ADA2: variants seen among roughly 807,000 people sequenced by gnomAD.
ADA2 encodes the protein adenosine deaminase 2.
ADA2 carries 29 observed loss-of-function variants against 44.2 expected under a neutral mutation model. The ratio of observed to expected loss-of-function variants is 0.66; its 90% CI spans 0.49 to 0.89. The LOEUF is 0.89. Ranked by LOEUF, ADA2 falls within the 40% of genes least tolerant of loss-of-function variation. The pLI is 0.00. For synonymous variants in ADA2, 215 were observed against 234.9 expected (o/e 0.92, Z 0.77); for missense variants, 637 against 644.8 (o/e 0.99, Z 0.13).
At chr22:17,189,137 C>T (rs564157156) in intron 6 of ADA2, among the ~76,000 whole-genome samples, 151 of 151,088 alleles carry the variant, frequency 1.0e-3, no homozygotes, top group Middle Eastern at 6.8e-3. Flanking sequence ...CTGCCTCAGC[C>T]TCCCAAGTAG....
At chr22:17,190,219 C>T (rs2062098199) in intron 5 of ADA2, among the ~76,000 whole-genome samples, 187 bp from the exon 6 acceptor site, 1 of 152,202 alleles carries the variant, frequency 6.6e-6, no homozygotes, top group South Asian at 2.1e-4. Context: ...AGATATGTAG[C>T]CCAAATCCAT....
intron 1 of ADA2, chr22:17,210,000 C>G (rs914825808): frequency 1.7e-4 from 43 of 256,116 alleles, no homozygotes; most frequent in Non-Finnish European, 2.7e-4. Context: ...ACACCATTCT[C>G]CTGCCTCAGC....
chr22:17,211,338 G>A (rs1366515020), intron 1 of ADA2, among the ~76,000 whole-genome samples: 2 of 151,490 alleles, frequency 1.3e-5, no homozygotes, highest in East Asian at 3.9e-4. Context: ...CAGCCTGGGC[G>A]ACAGAGCAAG....
intron 4 of ADA2, among the ~76,000 whole-genome samples, chr22:17,195,761 C>CTT (rs59967054): frequency 0.014 from 1,824 of 128,758 alleles, 57 homozygotes; most frequent in African/African-American, 0.049. Context: ...AATTTCTTTC[C>CTT]TTTTTTTTTT....
At chr22:17,188,868 A>AAAAAAAAAAATATATAAATATATATATAT in intron 6 of ADA2, 1 of 81,128 alleles carries the variant, frequency 1.2e-5, no homozygotes, top group Non-Finnish European at 2.7e-5. Flanking sequence ...AAGAGCAAAA[A>AAAAAAAAAAATATATAAATATATATATAT]ATATATATAT....
chr22:17,200,574 C>G (rs570819066), intron 4 of ADA2, among the ~76,000 whole-genome samples: 1 of 152,196 alleles, frequency 6.6e-6, no homozygotes, highest in African/African-American at 2.4e-5. Flanking sequence ...CCAGCCTTGC[C>G]GCTAAACTCA....
At position 17,190,096 on chromosome 22, in the gene ADA2, C is replaced by CGTG. The variant is rs111934660; in HGVS notation, c.882-65_882-64insCAC. ...CACCGACAGAGCACAAACCCCAGAG[C>CGTG]ACACCCTCCGTGCAGGGCTGGGCCA... On this transcript the variant is annotated intron_variant, in intron 5 of 9. Coordinates refer to ENST00000399837, the MANE Select transcript of ADA2 (RefSeq NM_001282225.2). The CGTG allele has an allele frequency of 3.7e-3, 4,843 of 1,303,776 alleles. 165 individuals carry two copies. In the African/African-American group the frequency reaches 0.06, roughly 16 times the overall value. 80.8% of individuals were successfully genotyped at this position (1,303,776 alleles called of 1,614,324 possible). A position where few individuals can be genotyped will look rare whatever the true frequency, so the allele number is the denominator to read the frequency against.
At chr22:17,212,485 G>A (rs1310189522) in intron 1 of ADA2, among the ~76,000 whole-genome samples, 3 of 152,114 alleles carry the variant, frequency 2.0e-5, no homozygotes, top group African/African-American at 7.2e-5. Flanking sequence ...TGTTGCCCAG[G>A]CTGGTCTTGA....
chr22:17,188,618 A>C lies in ADA2; in HGVS notation c.973-171T>G, dbSNP rs1209916655. ...GAGCAGGCCAGGCGTGGTGGCTCAC[A>C]CCTGTAATCCCAGCACTTTGGGAGG... On this transcript the variant is annotated intron_variant, in intron 6 of 9. Transcript: ENST00000399837. The C allele has an allele frequency of 2.0e-5, 10 of 496,570 alleles. No homozygotes were observed. In the East Asian group the frequency reaches 3.1e-4, roughly 15 times the overall value. 30.8% of individuals were successfully genotyped at this position (496,570 alleles called of 1,614,324 possible).
intron 2 of ADA2, among the ~76,000 whole-genome samples, chr22:17,208,844 T>TTTTTTTTTTTTTTTA (rs1201544099): frequency 6.9e-6 from 1 of 144,798 alleles, no homozygotes; most frequent in Admixed American, 7.3e-5. Flanking sequence ...TAACATTTTT[T>TTTTTTTTTTTTTTTA]GGGGAACAGG....
At chr22:17,195,015 C>T (rs1203106217) in intron 4 of ADA2, among the ~76,000 whole-genome samples, 1 of 152,018 alleles carries the variant, frequency 6.6e-6, no homozygotes, top group African/African-American at 2.4e-5. Context: ...ACAAACCAGC[C>T]TTATAAAATT....
At chr22:17,184,059 A>G (rs529037454) in intron 7 of ADA2, among the ~76,000 whole-genome samples, 2 of 139,456 alleles carry the variant, frequency 1.4e-5, no homozygotes, top group Admixed American at 1.6e-4. Context: ...CCCGGGGTTC[A>G]TGCCATTCTC....
At chr22:17,203,835 C>T (rs1407419791) in intron 3 of ADA2, 62 bp from the exon 4 acceptor site, 2 of 1,118,136 alleles carry the variant, frequency 1.8e-6, no homozygotes, top group Non-Finnish European at 2.7e-6. Flanking sequence ...CCCCGGGCGC[C>T]CATAGGACTG....
chr22:17,185,187 C>T (rs546277431), intron 7 of ADA2, among the ~76,000 whole-genome samples: 207 of 150,840 alleles, frequency 1.4e-3, no homozygotes, highest in African/African-American at 4.9e-3. Flanking sequence ...CCGAGGTGGG[C>T]GGATCACGAG....
chr22:17,183,456 C>CTTTTTTT (rs1227906560), intron 7 of ADA2, among the ~76,000 whole-genome samples: 3 of 77,452 alleles, frequency 3.9e-5, no homozygotes, highest in Non-Finnish European at 7.4e-5. Flanking sequence ...TTGTGGCACT[C>CTTTTTTT]TTTTTTTTTT....
At chr22:17,212,655 A>G (rs991044553) in intron 1 of ADA2, among the ~76,000 whole-genome samples, 7 of 152,220 alleles carry the variant, frequency 4.6e-5, no homozygotes, top group African/African-American at 1.7e-4. Context: ...GAAATCAAAC[A>G]ACTCAACAGT....
chr22:17,218,560 C>A (rs1270663582), intron 1 of ADA2, among the ~76,000 whole-genome samples: 3 of 152,102 alleles, frequency 2.0e-5, no homozygotes, highest in Non-Finnish European at 4.4e-5. Flanking sequence ...AACAGCCCCG[C>A]CCCTTGTCCC....
chr22:17,194,613 C>T (rs1233518726), intron 4 of ADA2, among the ~76,000 whole-genome samples: 4 of 152,142 alleles, frequency 2.6e-5, no homozygotes, highest in Admixed American at 1.3e-4. Flanking sequence ...CACAGCCCCC[C>T]ACAACCTGCA....
chr22:17,203,400 A>T (rs1156711521), intron 4 of ADA2, among the ~76,000 whole-genome samples, 163 bp downstream of exon 4: 2 of 152,100 alleles, frequency 1.3e-5, no homozygotes, highest in African/African-American at 4.8e-5. Flanking sequence ...TGCCCAGTCC[A>T]TTTCAGGTTT....
Sources: gnomAD v4.1 joint callset for allele counts (sites outside exome capture counted in the v4.1 genomes callset) on GRCh38, gnomAD v4.1.1 for gene constraint, MANE v1.5 for transcripts, NCBI Gene and HGNC (gene_info 2026-07-23, HGNC 2026-07-21) for gene names.